Variants in HOMER2 observed in about 807,000 individuals in gnomAD.
The protein encoded by HOMER2 is homer scaffold protein 2, also known as homer protein homolog 2.
A neutral mutation model predicts 47.0 loss-of-function variants in HOMER2; 27 were observed. That is an observed-to-expected ratio of 0.57 (90% CI 0.42 to 0.79). The LOEUF is 0.79. Ranked by LOEUF, HOMER2 falls within the 30% of genes least tolerant of loss-of-function variation. The probability of loss-of-function intolerance (pLI) is 0.00; values close to 1 mark genes in which losing one functional copy is unlikely to be tolerated. For missense variants in HOMER2, 443 were observed against 435.0 expected (o/e 1.02, Z -0.16); for synonymous variants, 161 against 163.8 (o/e 0.98, Z 0.13).
downstream of HOMER2, chr15:82,834,716 A>T (rs961219921): frequency 2.0e-5 from 3 of 152,620 alleles, no homozygotes; most frequent in East Asian, 5.8e-4. Context: ...ACATAAACTC[A>T]TAATAACTAT....
At chr15:82,909,092 C>T (rs2053377553) in intron 1 of HOMER2, among the ~76,000 whole-genome samples, 1 of 152,006 alleles carries the variant, frequency 6.6e-6, no homozygotes, top group Non-Finnish European at 1.5e-5. Flanking sequence ...GAACACAGGG[C>T]CAGGAACACA....
At position 82,868,537 on chromosome 15, in the gene HOMER2, ATATAT is replaced by A. The variant is rs1426671982; in HGVS notation, c.295-4283_295-4279del. Among the ~76,000 whole-genome samples, 6 of 60,860 alleles carry A rather than the reference ATATAT, an allele frequency of 9.9e-5. 1 individual carries two copies. The highest frequency in any genetic ancestry group is 5.6e-4 in the South Asian group (1 of 1,776). 39.9% of individuals were successfully genotyped at this position (60,860 alleles called of 152,430 possible). ...ACTTATTTATTTTATATATATATAT[ATATAT>A]TTTTTTTTTTTTTTTTCCCCTTTTG... On this transcript the variant is annotated intron_variant, in intron 3 of 8. Transcript: ENST00000450735.
chr15:82,897,015 C>A (rs2052945291), intron 1 of HOMER2, among the ~76,000 whole-genome samples: 1 of 150,268 alleles, frequency 6.7e-6, no homozygotes, highest in Admixed American at 6.6e-5. Flanking sequence ...GGCCAGGTAA[C>A]CTGACTTGGG....
intron 1 of HOMER2, among the ~76,000 whole-genome samples, chr15:82,976,704 AG>A (rs2030217711): frequency 8.5e-6 from 1 of 118,328 alleles, no homozygotes; most frequent in East Asian, 2.6e-4. Flanking sequence ...TTTGAGACAG[AG>A]TTTTGCTCTT....
At chr15:82,850,297 T>C (rs1041458648) in intron 8 of HOMER2, among the ~76,000 whole-genome samples, 2 of 152,218 alleles carry the variant, frequency 1.3e-5, no homozygotes, top group Non-Finnish European at 2.9e-5. Context: ...ACAGAACAGA[T>C]GGGAGAGTGG....
chr15:82,950,064 G>A (rs917901852), intron 1 of HOMER2, among the ~76,000 whole-genome samples: 3 of 152,160 alleles, frequency 2.0e-5, no homozygotes, highest in South Asian at 2.1e-4. Context: ...CAGCACAGCA[G>A]GCAGGTAGGA....
intron 5 of HOMER2, among the ~76,000 whole-genome samples, chr15:82,855,726 G>T (rs1567015157): frequency 1.3e-5 from 2 of 152,212 alleles, no homozygotes; most frequent in African/African-American, 4.8e-5. Context: ...ATCCCCCCGG[G>T]GTGTGAGGAG....
chr15:82,974,385 C>G (rs1409500897), intron 1 of HOMER2, among the ~76,000 whole-genome samples: 1 of 147,406 alleles, frequency 6.8e-6, no homozygotes, highest in South Asian at 2.1e-4. Context: ...GCCTGGGCAA[C>G]AAGAGCAAAA....
chr15:82,875,144 G>A, intron 3 of HOMER2, 129 bp downstream of exon 3: 1 of 1,083,368 alleles, frequency 9.2e-7, no homozygotes, highest in Non-Finnish European at 1.3e-6. Flanking sequence ...GCCCCGTGAT[G>A]CCAGGAGGAG....
chr15:82,841,691 A>C (rs1045234488), exon 2 of HOMER2: 2 of 152,230 alleles, frequency 1.3e-5, no homozygotes, highest in East Asian at 3.8e-4. Context: ...ACTATTACCC[A>C]ACTGAAAAAG....
intron 1 of HOMER2, among the ~76,000 whole-genome samples, chr15:82,967,326 T>C (rs2054683273): frequency 6.6e-6 from 1 of 152,130 alleles, no homozygotes; most frequent in South Asian, 2.1e-4. Context: ...ACACCATTCT[T>C]TGCTTATATT....
chr15:82,951,050 G>A (rs1260648635), intron 1 of HOMER2, among the ~76,000 whole-genome samples: 1 of 152,100 alleles, frequency 6.6e-6, no homozygotes, highest in East Asian at 1.9e-4. Flanking sequence ...TTTAAAGTAT[G>A]AAATCTGAGA....
At chr15:82,947,831 A>T (rs1179874115) in intron 1 of HOMER2, among the ~76,000 whole-genome samples, 1 of 152,244 alleles carries the variant, frequency 6.6e-6, no homozygotes, top group Non-Finnish European at 1.5e-5. Flanking sequence ...ATTTGGTGCC[A>T]GGCACTGTGC....
intron 1 of HOMER2, among the ~76,000 whole-genome samples, chr15:82,969,474 C>T (rs1412250183): frequency 6.6e-6 from 1 of 152,122 alleles, no homozygotes; most frequent in Admixed American, 6.5e-5. Flanking sequence ...TTCATAAGTC[C>T]CTATGAAATG....
intron 1 of HOMER2, among the ~76,000 whole-genome samples, chr15:82,899,048 T>A (rs929341661): frequency 6.6e-6 from 1 of 152,192 alleles, no homozygotes; most frequent in South Asian, 2.1e-4. Context: ...TGGGTCACAC[T>A]CTGCCTGCCC....
intron 1 of HOMER2, among the ~76,000 whole-genome samples, chr15:82,983,943 A>G (rs1313188732): frequency 6.6e-6 from 1 of 151,912 alleles, no homozygotes; most frequent in East Asian, 1.9e-4. Flanking sequence ...TCAGTAACTA[A>G]GTATAGTACT....
At chr15:82,932,690 C>T (rs73451120) in intron 1 of HOMER2, among the ~76,000 whole-genome samples, 1,622 of 152,172 alleles carry the variant, frequency 0.011, 33 homozygotes, top group African/African-American at 0.037. Context: ...TGAGCCTCCA[C>T]AAGGGCTTCA....
intron 1 of HOMER2, among the ~76,000 whole-genome samples, chr15:82,971,350 C>T (rs968445957): frequency 6.6e-6 from 1 of 151,910 alleles, no homozygotes; most frequent in African/African-American, 2.4e-5. Context: ...TATCCTTTCT[C>T]AAGAATTCTG....
chr15:82,892,562 G>C, intron 2 of HOMER2, 123 bp downstream of exon 2: 2 of 727,310 alleles, frequency 2.7e-6, no homozygotes, highest in Non-Finnish European at 2.1e-6. Context: ...AATGCAAAAA[G>C]AACAGAATAT....
Sources: allele counts gnomAD v4.1 joint callset (sites outside exome capture counted in the v4.1 genomes callset), GRCh38; gene constraint gnomAD v4.1.1; transcripts MANE v1.5; gene names NCBI Gene and HGNC (gene_info 2026-07-23, HGNC 2026-07-21).